The following FAT2 variants were observed in gnomAD, a reference collection of about 807,000 sequenced individuals.
FAT2 encodes protocadherin Fat 2.
A neutral mutation model predicts 295.3 loss-of-function variants in FAT2; 150 were observed. The ratio of observed to expected loss-of-function variants is 0.51; its 90% CI spans 0.44 to 0.58. The LOEUF (loss-of-function observed/expected upper bound fraction) is 0.58, where lower values mean the gene tolerates loss of function less well. Ranked by LOEUF, FAT2 falls within the 20% of genes least tolerant of loss-of-function variation. The probability of loss-of-function intolerance (pLI) is 0.00; values close to 1 mark genes in which losing one functional copy is unlikely to be tolerated. For synonymous variants in FAT2, 2,026 were observed against 2,150.3 expected (o/e 0.94, Z 1.60); for missense variants, 4,868 against 5,442.7 (o/e 0.89, Z 3.32).
Position 151,566,725 on chromosome 5 carries a change from C to G in FAT2, c.2207G>C (p.Arg736Pro), listed in dbSNP as rs148707799. ...ESVPINTPLARLAATDPDAGF... is the reference protein window; with the variant it reads ...ESVPINTPLAPLAATDPDAGF... ...AGCATCAGGGTCAGTGGCTGCTAGGCGGGCCAAGGGGGTGTTGATAGGGAC... is the reference window on the plus strand; with the variant it reads ...AGCATCAGGGTCAGTGGCTGCTAGGGGGGCCAAGGGGGTGTTGATAGGGAC... Residue 736 changes from arginine to proline, a missense_variant, in exon 2 of 24, where the codon CGC becomes CCC. Physicochemically the swap from Arg to Pro is moderately radical, Grantham distance 103. This residue lies in a region of FAT2 where 3,297 missense variants were observed against 3,669.4 expected (regional missense o/e 0.90). Coordinates refer to ENST00000261800, the MANE Select transcript of FAT2 (RefSeq NM_001447.3). The G allele has an allele frequency of 3.7e-6, 6 of 1,613,900 alleles. No homozygotes were observed. Among genetic ancestry groups the G allele is most frequent in the South Asian group, 1.1e-5 (1 of 91,064 alleles).
chr5:151,535,822 AG>A (rs1755213485), intron 12 of FAT2, among the ~76,000 whole-genome samples: 2 of 152,114 alleles, frequency 1.3e-5, no homozygotes, highest in Non-Finnish European at 2.9e-5. Context: ...ATTGAATTAG[AG>A]GACACCTGAG....
intron 3 of FAT2, among the ~76,000 whole-genome samples, chr5:151,560,670 T>C (rs939383923): frequency 6.6e-6 from 1 of 152,264 alleles, no homozygotes; most frequent in Non-Finnish European, 1.5e-5. Context: ...AAACTGGTTC[T>C]ATTGTGTTTA....
At position 151,544,039 on chromosome 5, in the gene FAT2, G is replaced by A. The variant is rs958921789; in HGVS notation, c.7088C>T (p.Thr2363Ile). Residue 2363 changes from threonine (T) to isoleucine (I), a missense_variant, in exon 10 of 24, where the codon ACC (threonine) becomes ATC (isoleucine). Thr to Ile is a moderately conservative substitution (Grantham distance 89). Around this residue, in one of 5 missense-constraint regions of FAT2, gnomAD observed 3,297 missense variants for 3,669.4 expected, o/e 0.90. Transcript: ENST00000261800. ...ATCAGACACATTGACAACCACAAGG[G>A]TTTCACCAGTGAGTGGGGGATCTCC... ...DKGDPPLTGETLVVVNVSDIN... is the reference protein window; with the variant it reads ...DKGDPPLTGEILVVVNVSDIN... 6.2e-7 allele frequency: 1 copy of A among 1,614,172 alleles called. No homozygotes were observed. Among genetic ancestry groups the A allele is most frequent in the Non-Finnish European group, 8.5e-7 (1 of 1,180,028 alleles).
intron 23 of FAT2, among the ~76,000 whole-genome samples, chr5:151,506,630 G>A (rs1050883593): frequency 7.2e-5 from 11 of 152,186 alleles, no homozygotes; most frequent in Non-Finnish European, 1.0e-4. Flanking sequence ...CTCGGTTTCC[G>A]TATTTGACAC....
chr5:151,553,046 T>G (rs1757361047), intron 6 of FAT2, 131 bp downstream of exon 6: 4 of 819,412 alleles, frequency 4.9e-6, no homozygotes, highest in African/African-American at 1.7e-5. Context: ...CAGTCCCCAC[T>G]CCGGGCTGAA....
In FAT2 at chr5:151,521,823, G is replaced by A; in HGVS notation, c.10770C>T (p.Ala3590=). 6.2e-7 allele frequency: 1 copy of A among 1,614,142 alleles called. No homozygotes were observed. Residue 3590 remains alanine, a synonymous_variant, in exon 19 of 24, where the codon GCC becomes GCT. Coordinates refer to ENST00000261800, the MANE Select transcript of FAT2 (RefSeq NM_001447.3). ...VGAPDGKIIA[A]QGLPRGHYSF... is the part of the protein sequence containing the mutation. ...AGTAGTGGCCACGAGGCAGGCCCTG[G>A]GCGGCGATAATCTTGCCATCAGGCG... is the stretch of plus-strand genomic sequence containing the variant.
In FAT2 at chr5:151,545,946, CT is replaced by C; in HGVS notation, c.5180del (p.Gln1727ArgfsTer2). On this transcript the variant is annotated frameshift_variant, in exon 10 of 24. Coordinates refer to ENST00000261800, the MANE Select transcript of FAT2 (RefSeq NM_001447.3). LOFTEE classifies it high-confidence loss of function. ...CCATATTGCTGCCTCGGATTTTCAG[CT>C]GGTAAGACGAGATTTTCTCATGGTC... Reference protein sequence around the residue: ...KLDHEKISSYQLKIRGSNMAG... With the variant: ...KLDHEKISSYXLKIRGSNMAG... 4 of 1,614,124 alleles carry C rather than the reference CT, an allele frequency of 2.5e-6. No homozygotes were observed. Among genetic ancestry groups the C allele is most frequent in the Non-Finnish European group, 3.4e-6 (4 of 1,180,020 alleles).
At chr5:151,593,211 TGGTCC>T (rs1759482108), upstream of FAT2, among the ~76,000 whole-genome samples, 1 of 152,216 alleles carries the variant, frequency 6.6e-6, no homozygotes, top group Non-Finnish European at 1.5e-5. Flanking sequence ...CCTCCAAGTT[TGGTCC>T]GATTAGGCAT....
intron 20 of FAT2, among the ~76,000 whole-genome samples, chr5:151,513,186 AT>A (rs1328883575): frequency 6.6e-6 from 1 of 152,268 alleles, no homozygotes; most frequent in East Asian, 1.9e-4. Flanking sequence ...GCTATCTTCT[AT>A]TAAGCCAGGC....
At chr5:151,576,556 G>A (rs190695424) in intron 1 of FAT2, among the ~76,000 whole-genome samples, 43 of 152,264 alleles carry the variant, frequency 2.8e-4, no homozygotes, top group African/African-American at 9.9e-4. Context: ...AATAATAAAT[G>A]TTTTAGTTTA....
chr5:151,562,633 T>TA (rs869050129), intron 3 of FAT2, among the ~76,000 whole-genome samples: 2 of 152,352 alleles, frequency 1.3e-5, no homozygotes, highest in Middle Eastern at 3.4e-3. Flanking sequence ...CTTCCATTTT[T>TA]AAAAAACAAC....
In FAT2 at chr5:151,527,280, T is replaced by C. The variant is rs1196156688; in HGVS notation, c.10262A>G (p.Asp3421Gly). ...GAGCTGGAAGAATCTCGGTGGGTTA[T>C]CATTGACATCAGCCACTTGGATAGC... is the stretch of plus-strand genomic sequence containing the variant. ...DIAIQVADVN[D>G]NPPRFFQLNY... The change falls in exon 17 of 24, where the codon GAT (aspartate) becomes GGT (glycine). Residue 3421 changes from aspartate (D) to glycine (G), a missense_variant. Coordinates refer to ENST00000261800, the MANE Select transcript of FAT2 (RefSeq NM_001447.3). 3 of 1,610,400 alleles carry C rather than the reference T, an allele frequency of 1.9e-6. No homozygotes were observed. Among genetic ancestry groups the C allele is most frequent in the Non-Finnish European group, 2.5e-6 (3 of 1,178,244 alleles).
At chr5:151,554,948 A>C (rs375921662) in intron 4 of FAT2, among the ~76,000 whole-genome samples, 1 of 152,220 alleles carries the variant, frequency 6.6e-6, no homozygotes. Flanking sequence ...CCCCTGGGCC[A>C]TTTCTCAGAG....
intron 1 of FAT2, among the ~76,000 whole-genome samples, chr5:151,571,223 G>A (rs4958459): frequency 0.43 from 64,844 of 151,506 alleles, 14,128 homozygotes; most frequent in South Asian, 0.55. Flanking sequence ...CCCTACCCCT[G>A]ACCCAGCCCC....
In FAT2 at chr5:151,568,012, G is replaced by A. The variant is rs1226758405; in HGVS notation, c.920C>T (p.Ala307Val). 1 of 1,614,180 alleles carries A rather than the reference G, an allele frequency of 6.2e-7. No homozygotes were observed. The highest frequency in any genetic ancestry group is 2.2e-5 in the East Asian group (1 of 44,882). The stretch of plus-strand genomic sequence containing the variant: ...CACCAAACTGAACTCATTGCTCCGG[G>A]CATAAGACTTGATGGCTTTGAAGTG... ...GKHFKAIKSYARSNEFSLVSV... is the reference protein window; with the variant it reads ...GKHFKAIKSYVRSNEFSLVSV... Residue 307 changes from alanine (A) to valine (V), a missense_variant, in exon 2 of 24, where the codon GCC becomes GTC. By Grantham distance (64) the Ala-to-Val change is moderately conservative. Transcript: ENST00000261800.
In FAT2 at chr5:151,529,363, A is replaced by C. The variant is rs1172111164; in HGVS notation, c.9841T>G (p.Phe3281Val). Residue 3281 changes from phenylalanine (F) to valine (V), a missense_variant, in exon 15 of 24, where the codon TTT becomes GTT. Phe to Val is a conservative substitution (Grantham distance 50). Transcript: ENST00000261800. ...AGGAAGTACTTGGGGCTTGTCTCAA[A>C]GTCCAGGCTTGCGTTGACATACAGG... ...GILYVNASLDFETSPKYFLSI... is the reference protein window; with the variant it reads ...GILYVNASLDVETSPKYFLSI... 1 of 1,613,904 alleles carries C rather than the reference A, an allele frequency of 6.2e-7. No individual in the cohort carries two copies. Among genetic ancestry groups the C allele is most frequent in the Non-Finnish European group, 8.5e-7 (1 of 1,180,020 alleles).
At chr5:151,581,880 A>G (rs1006077828) in intron 1 of FAT2, among the ~76,000 whole-genome samples, 1 of 152,170 alleles carries the variant, frequency 6.6e-6, no homozygotes, top group African/African-American at 2.4e-5. Flanking sequence ...CTGCCAGCAA[A>G]CACAGATTCT....
At chr5:151,536,417 T>TC (rs1167803091) in intron 12 of FAT2, among the ~76,000 whole-genome samples, 1 of 152,088 alleles carries the variant, frequency 6.6e-6, no homozygotes, top group Non-Finnish European at 1.5e-5. Context: ...CTCAGGTATC[T>TC]CCAAGTCATC....
At position 151,543,202 on chromosome 5, in the gene FAT2, ACAC is replaced by A; in HGVS notation, c.7922_7924del (p.Gly2641del). 6.2e-7 allele frequency: 1 copy of A among 1,614,196 alleles called. No homozygotes were observed. Among genetic ancestry groups the A allele is most frequent in the Non-Finnish European group, 8.5e-7 (1 of 1,180,040 alleles). ...CACCAGGCTGTCTTTCACCTTGACC[ACAC>A]CAGTGACTGGGTTAATTTCAATGAC... is the stretch of plus-strand genomic sequence containing the variant. On this transcript the variant is annotated inframe_deletion, in exon 10 of 24. Transcript: ENST00000261800.
Sources: gnomAD v4.1 joint callset for allele counts (sites outside exome capture counted in the v4.1 genomes callset) on GRCh38, gnomAD v4.1.1 for gene constraint, gnomAD v4.1.1 regional missense constraint, MANE v1.5 for transcripts, NCBI Gene and HGNC (gene_info 2026-07-23, HGNC 2026-07-21) for gene names.